The following AMY2A variants were observed in gnomAD, a reference collection of about 807,000 sequenced individuals.
The protein encoded by AMY2A is amylase alpha 2A, also known as pancreatic alpha-amylase.
Under a neutral mutation model 43.0 loss-of-function variants are expected in AMY2A, and 16 were observed. That is an observed-to-expected ratio of 0.37 (90% CI 0.25 to 0.56). The LOEUF is 0.56. Ranked by LOEUF, AMY2A falls within the 20% of genes least tolerant of loss-of-function variation. The pLI is 0.77. For synonymous variants in AMY2A, 70 were observed against 144.6 expected, an observed-to-expected ratio of 0.48 and a Z score of 3.70; for missense variants, 212 against 456.8, an observed-to-expected ratio of 0.46 and a Z score of 4.89.
In AMY2A at chr1:103,617,474, T is replaced by C. The variant is rs890701227; in HGVS notation, c.34T>C (p.Phe12Leu). Residue 12 changes from phenylalanine to leucine, a missense_variant, in exon 1 of 10, where the codon TTC becomes CTC. Coordinates refer to ENST00000414303, the MANE Select transcript of AMY2A (RefSeq NM_000699.4). ...CTTTCTGTTGCTTTTCACCATTGGG[T>C]TCTGCTGGGCTCAGTATTCCCCAAA... is the stretch of plus-strand genomic sequence containing the variant. ...KFFLLLFTIG[F>L]CWAQYSPNTQ... 3.1e-6 allele frequency: 5 copies of C among 1,600,742 alleles called. No homozygotes were observed. In the Admixed American group the frequency reaches 5.0e-5, roughly 16 times the overall value.
chr1:103,618,179 A>C, intron 2 of AMY2A, 79 bp downstream of exon 2: 2 of 1,519,162 alleles, frequency 1.3e-6, no homozygotes, highest in South Asian at 1.3e-5. Flanking sequence ...CCTTTTCAGC[A>C]GAAAATTTTC....
intron 7 of AMY2A, among the ~76,000 whole-genome samples, chr1:103,623,269 C>T (rs573761851): frequency 7.5e-6 from 1 of 134,104 alleles, no homozygotes; most frequent in South Asian, 2.4e-4. Context: ...GTTTCTAGTA[C>T]TAATGCCCTT....
chr1:103,623,242 T>C (rs1653234966), intron 7 of AMY2A, among the ~76,000 whole-genome samples: 2 of 126,180 alleles, frequency 1.6e-5, no homozygotes, highest in South Asian at 2.5e-4. Flanking sequence ...TAATAGAGCC[T>C]ATGTTTTAAT....
rs1197750648 is a variant in AMY2A at position 103,619,929 on chromosome 1, A to G, written c.744+145A>G. Reference sequence around the variant, plus strand: ...TTCTTTAACCTCCTCTTCTTCACATACAGCATATCTAATTCTTTATCACAA... The same window carrying G: ...TTCTTTAACCTCCTCTTCTTCACATGCAGCATATCTAATTCTTTATCACAA... On this transcript the variant is annotated intron_variant, in intron 4 of 9. Transcript: ENST00000414303. 7.0e-6 allele frequency: 10 copies of G among 1,429,774 alleles called. No individual in the cohort carries two copies. The South Asian group carries it at 9.0e-5, about 13-fold the overall frequency. 88.6% of individuals were successfully genotyped at this position (1,429,774 alleles called of 1,614,324 possible). A position where few individuals can be genotyped will look rare whatever the true frequency, so the allele number is the denominator to read the frequency against.
upstream of AMY2A, chr1:103,616,950 T>G (rs1570665912): frequency 9.8e-7 from 1 of 1,018,488 alleles, no homozygotes; most frequent in Non-Finnish European, 1.2e-6. Context: ...TCTGTCAGGG[T>G]TGGAAAGTCC....
Position 103,617,822 on chromosome 1 carries a change from GT to G in AMY2A, c.169-130del. On this transcript the variant is annotated intron_variant, in intron 1 of 9. Coordinates refer to ENST00000414303, the MANE Select transcript of AMY2A (RefSeq NM_000699.4). Reference sequence around the variant, plus strand: ...TTCACCAAGAGCCCTCCAATGTGCTGTTAATATTTTCAAGAGATAGCTGCCT... The same window carrying G: ...TTCACCAAGAGCCCTCCAATGTGCTGTAATATTTTCAAGAGATAGCTGCCT... The G allele has an allele frequency of 4.6e-6, 7 of 1,538,258 alleles. 1 individual carries two copies. In the South Asian group the frequency reaches 8.7e-5, roughly 19 times the overall value.
chr1:103,619,886 C>G, intron 4 of AMY2A, 102 bp downstream of exon 4: 1 of 1,519,890 alleles, frequency 6.6e-7, no homozygotes, highest in Middle Eastern at 1.7e-4. Context: ...AGGAATGAGA[C>G]ATTTACATAA....
chr1:103,618,879 A>G, intron 2 of AMY2A, 32 bp from the exon 3 acceptor site: 1 of 722,052 alleles, frequency 1.4e-6, no homozygotes, highest in Non-Finnish European at 2.3e-6. Context: ...CCTCTCTGTA[A>G]GTCACACTGA....
intron 2 of AMY2A, among the ~76,000 whole-genome samples, 182 bp from the exon 3 acceptor site, chr1:103,618,729 A>AAG (rs1257085283): frequency 5.1e-4 from 77 of 150,866 alleles, no homozygotes; most frequent in African/African-American, 1.7e-3. Context: ...TCTAGAAGGC[A>AAG]TGTAGGTGTT....
upstream of AMY2A, chr1:103,617,027 A>G (rs185570908): frequency 2.0e-4 from 209 of 1,040,010 alleles, 6 homozygotes; most frequent in African/African-American, 2.8e-3. Flanking sequence ...GCTGTTACTT[A>G]CCTTGAGTTG....
upstream of AMY2A, chr1:103,616,835 G>A: frequency 7.0e-6 from 2 of 284,204 alleles, no homozygotes; most frequent in Non-Finnish European, 1.1e-5. Flanking sequence ...TGTGCGGCCA[G>A]CAGTCTCTGA....
At position 103,617,769 on chromosome 1, in the gene AMY2A, T is replaced by G. The variant is rs368135282; in HGVS notation, c.168+161T>G. 1.0e-3 allele frequency among the ~76,000 whole-genome samples: 153 copies of G among 150,636 alleles called. 8 individuals carry two copies. The South Asian group carries it at 0.032, about 31-fold the overall frequency. On this transcript the variant is annotated intron_variant, in intron 1 of 9. Coordinates refer to ENST00000414303, the MANE Select transcript of AMY2A (RefSeq NM_000699.4). ...AATCTATGTAGTATTCTTGGCAACT[T>G]TATATTTTGTTTCTGAGATAATCTT... is the stretch of plus-strand genomic sequence containing the variant.
chr1:103,619,387 A>G (rs1428013409), intron 3 of AMY2A, among the ~76,000 whole-genome samples, 167 bp from the exon 4 acceptor site: 5 of 150,680 alleles, frequency 3.3e-5, no homozygotes, highest in African/African-American at 1.2e-4. Flanking sequence ...ATTAGAAAAT[A>G]TTTCAAAGAT....
rs775809037 is a variant in AMY2A at position 103,617,656 on chromosome 1, G to T, written c.168+48G>T. 59 of 1,600,612 alleles carry T rather than the reference G, an allele frequency of 3.7e-5. 7 individuals are homozygous for T. The highest frequency in any genetic ancestry group is 5.4e-5 in the African/African-American group (4 of 74,668). Reference sequence around the variant, plus strand: ...ATTGCGGAATTCACTGTGCTTGTAGGAAATAGTATTCTGATCTTATCTGTG... The same window carrying T: ...ATTGCGGAATTCACTGTGCTTGTAGTAAATAGTATTCTGATCTTATCTGTG... On this transcript the variant is annotated intron_variant, in intron 1 of 9. Transcript: ENST00000414303.
upstream of AMY2A, chr1:103,616,974 C>T: frequency 3.8e-6 from 4 of 1,042,732 alleles, no homozygotes; most frequent in Non-Finnish European, 3.5e-6. Context: ...CCATAGGACC[C>T]AGTTTCCTTT....
At position 103,617,872 on chromosome 1, in the gene AMY2A, A is replaced by G. The variant is rs908484833; in HGVS notation, c.169-82A>G. On this transcript the variant is annotated intron_variant, in intron 1 of 9. Transcript: ENST00000414303. ...CTATACCAAGATTCAAGAATCTTTT[A>G]TACTATTGATTAGTTTCTAGAACAT... The G allele has an allele frequency of 1.8e-5, 29 of 1,586,476 alleles. 1 individual carries two copies. The highest frequency in any genetic ancestry group is 1.6e-4 in the Admixed American group (9 of 57,454).
rs187906160 is a variant in AMY2A, at chr1:103,617,599, A to T, written c.159A>T (p.Gly53=). Residue 53 remains glycine (G), a synonymous_variant, in exon 1 of 10, where the codon GGA becomes GGT. Coordinates refer to ENST00000414303, the MANE Select transcript of AMY2A (RefSeq NM_000699.4). ...CERYLAPKGF[G]GVQVSPPNEN... is the part of the protein sequence containing the mutation. The stretch of plus-strand genomic sequence containing the variant: ...GATATTTAGCTCCGAAGGGATTTGG[A>T]GGGGTTCAGGTGGGTATGATTCATA... The T allele has an allele frequency of 6.2e-7, 1 of 1,600,866 alleles. No individual in the cohort carries two copies. Among genetic ancestry groups the T allele is most frequent in the African/African-American group, 1.3e-5 (1 of 74,754 alleles).
Position 103,617,673 on chromosome 1 carries a change from T to A in AMY2A, c.168+65T>A, listed in dbSNP as rs1483645002. ...GCTTGTAGGAAATAGTATTCTGATC[T>A]TATCTGTGAAGCTTGGGCAACATTT... On this transcript the variant is annotated intron_variant, in intron 1 of 9. Transcript: ENST00000414303. 12 of 1,599,098 alleles carry A rather than the reference T, an allele frequency of 7.5e-6. 1 individual carries two copies. The Admixed American group carries it at 1.8e-4, about 25-fold the overall frequency.
Position 103,623,343 on chromosome 1 carries a change from T to G in AMY2A, c.1102-523T>G, listed in dbSNP as rs1300286968. Among the ~76,000 whole-genome samples the G allele has an allele frequency of 3.0e-5, 4 of 134,000 alleles. 1 individual carries two copies. Among genetic ancestry groups the G allele is most frequent in the African/African-American group, 1.2e-4 (4 of 33,742 alleles). 87.9% of individuals were successfully genotyped at this position (134,000 alleles called of 152,430 possible). ...AGAAGCTCTTGCAGGCCAGGTGCAG[T>G]GGCTCACACCTGTAATCCCAGCACC... On this transcript the variant is annotated intron_variant, in intron 7 of 9. Coordinates refer to ENST00000414303, the MANE Select transcript of AMY2A (RefSeq NM_000699.4).
Sources: allele counts gnomAD v4.1 joint callset (sites outside exome capture counted in the v4.1 genomes callset), GRCh38; gene constraint gnomAD v4.1.1; transcripts MANE v1.5; gene names NCBI Gene and HGNC (gene_info 2026-07-23, HGNC 2026-07-21).